The following DPPA4 variants were observed in gnomAD, a reference collection of about 807,000 sequenced individuals.
DPPA4 encodes developmental pluripotency associated 4, also known as developmental pluripotency-associated protein 4.
A neutral mutation model predicts 33.7 loss-of-function variants in DPPA4; 22 were observed. The observed-to-expected ratio is 0.65, with a 90% CI of 0.47 to 0.93. The LOEUF (loss-of-function observed/expected upper bound fraction) is 0.93, where lower values mean the gene tolerates loss of function less well. Ranked by LOEUF, DPPA4 falls within the 40% of genes least tolerant of loss-of-function variation. The pLI, the probability that DPPA4 is intolerant of heterozygous loss-of-function variation, is 0.00. For synonymous variants in DPPA4, 156 were observed against 132.3 expected (o/e 1.18, Z -1.23); for missense variants, 340 against 358.6 (o/e 0.95, Z 0.42).
chr3:109,330,724 C>A lies in DPPA4; in HGVS notation c.479G>T (p.Ser160Ile). Reference sequence around the variant, plus strand: ...CACTTCAGGAGGATGTGTCTCAGAACTTTGCAGGGACGTTTCCCCCTTTTC... The same window carrying A: ...CACTTCAGGAGGATGTGTCTCAGAAATTTGCAGGGACGTTTCCCCCTTTTC... The part of the protein sequence containing the change: ...KVEKGETSLQ[S>I]SETHPPEVAL... Residue 160 changes from serine (S) to isoleucine (I), a missense_variant, in exon 5 of 7, where the codon AGT (serine) becomes ATT (isoleucine). Physicochemically the swap from Ser to Ile is moderately radical, Grantham distance 142. Transcript: ENST00000335658. 1.2e-6 allele frequency: 2 copies of A among 1,614,176 alleles called. No individual in the cohort carries two copies. Among genetic ancestry groups the A allele is most frequent in the Non-Finnish European group, 1.7e-6 (2 of 1,180,016 alleles).
chr3:109,333,974 G>A lies in DPPA4; in HGVS notation c.74C>T (p.Ser25Leu), dbSNP rs267599538. 2 of 1,614,006 alleles carry A rather than the reference G, an allele frequency of 1.2e-6. No individual in the cohort carries two copies. The highest frequency in any genetic ancestry group is 1.7e-5 in the Admixed American group (1 of 60,000). Residue 25 changes from serine (S) to leucine (L), a missense_variant, in exon 2 of 7, where the codon TCG becomes TTG. This residue lies in a region of DPPA4 where 96 missense variants were observed against 91.8 expected (regional missense o/e 1.05). Coordinates refer to ENST00000335658, the MANE Select transcript of DPPA4 (RefSeq NM_018189.4). Reference sequence around the variant, plus strand: ...AGAAGCCTGCTGATCCTCTTCCCTCGACTTCTCTGTGGAGGTCCACTGGGG... The same window carrying A: ...AGAAGCCTGCTGATCCTCTTCCCTCAACTTCTCTGTGGAGGTCCACTGGGG... The part of the protein sequence containing the change: ...KGKEWTSTEK[S>L]REEDQQASNQ...
upstream of DPPA4, among the ~76,000 whole-genome samples, chr3:109,337,956 G>A (rs868440045): frequency 6.6e-6 from 1 of 152,146 alleles, no homozygotes; most frequent in Admixed American, 6.6e-5. Context: ...CTATTTTCTC[G>A]TACCAAATAC....
chr3:109,332,084 G>T (rs2107346349), intron 2 of DPPA4, 53 bp from the exon 3 acceptor site: 4 of 1,452,424 alleles, frequency 2.8e-6, no homozygotes, highest in Admixed American at 2.2e-5. Context: ...TAGCTTTTCT[G>T]AATTTCAAAA....
upstream of DPPA4, chr3:109,337,562 T>G (rs1302966465): frequency 6.3e-7 from 1 of 1,576,084 alleles, no homozygotes; most frequent in Non-Finnish European, 8.7e-7. Flanking sequence ...TTGCAAAGTC[T>G]CCTCCCACTT....
At position 109,330,300 on chromosome 3, in the gene DPPA4, C is replaced by CAAAAAAAA. The variant is rs71129042; in HGVS notation, c.679+216_679+223dup. 102 of 348,908 alleles carry CAAAAAAAA rather than the reference C, an allele frequency of 2.9e-4. No individual in the cohort carries two copies. In the African/African-American group the frequency reaches 2.9e-3, roughly 10 times the overall value. The allele number at this position is 348,908 out of a possible 1,614,324, so 21.6% of individuals were successfully genotyped here. On this transcript the variant is annotated intron_variant, in intron 5 of 6. Transcript: ENST00000335658. Reference sequence around the variant, plus strand: ...CTGGGCAACAAGGGAGAAACTGTCTCAAAAAAAAAAAAAAAAAAAAAAAAA... The same window carrying CAAAAAAAA: ...CTGGGCAACAAGGGAGAAACTGTCTCAAAAAAAAAAAAAAAAAAAAAAAAAAAAAAAAA...
intron 1 of DPPA4, among the ~76,000 whole-genome samples, chr3:109,336,024 G>A (rs1450398995): frequency 1.3e-5 from 2 of 151,326 alleles, no homozygotes; most frequent in African/African-American, 2.4e-5. Flanking sequence ...GTGGTGGTGC[G>A]TGCCTGCAAT....
At position 109,331,971 on chromosome 3, in the gene DPPA4, G is replaced by A. The variant is rs757550772; in HGVS notation, c.239C>T (p.Pro80Leu). 2 of 1,614,018 alleles carry A rather than the reference G, an allele frequency of 1.2e-6. No individual in the cohort carries two copies. Among genetic ancestry groups the A allele is most frequent in the South Asian group, 2.2e-5 (2 of 91,070 alleles). ...CAGTTTAGAAGGTAATGGAGGGATT[G>A]GTATCTTCTTCTGAGGTCTGGGGTT... Reference protein sequence around the residue: ...TDNPRPQKKIPIPPLPSKLPP... With the variant: ...TDNPRPQKKILIPPLPSKLPP... Residue 80 changes from proline (P) to leucine (L), a missense_variant, in exon 3 of 7, where the codon CCA becomes CTA. Transcript: ENST00000335658.
upstream of DPPA4, among the ~76,000 whole-genome samples, chr3:109,339,392 T>C (rs1407962520): frequency 1.3e-5 from 2 of 152,114 alleles, no homozygotes; most frequent in Admixed American, 6.6e-5. Flanking sequence ...ATGAAAATAA[T>C]AGCCTTTACT....
At chr3:109,328,344 G>A (rs3804621) in intron 6 of DPPA4, among the ~76,000 whole-genome samples, 58,830 of 152,096 alleles carry the variant, frequency 0.39, 13,839 homozygotes, top group East Asian at 0.72. Context: ...TTGGCATAGA[G>A]AGATTATCAA....
Position 109,337,533 on chromosome 3 carries a change from C to G in DPPA4, c.-16G>C. On this transcript the variant is annotated 5_prime_UTR_variant, in exon 1 of 7. Transcript: ENST00000335658. ...CTCGCAACATGCTTCCAAAATGGCC[C>G]CTGCCCCAAGATTGCTATTTGCAAA... is the stretch of plus-strand genomic sequence containing the variant. 1 of 1,613,938 alleles carries G rather than the reference C, an allele frequency of 6.2e-7. No individual in the cohort carries two copies. Among genetic ancestry groups the G allele is most frequent in the Admixed American group, 1.7e-5 (1 of 60,000 alleles).
upstream of DPPA4, chr3:109,337,574 C>T (rs539218258): frequency 2.6e-6 from 4 of 1,540,870 alleles, no homozygotes; most frequent in African/African-American, 4.1e-5. Context: ...CTCCCACTTC[C>T]TGCCGCCCGA....
At chr3:109,330,890 A>G in intron 4 of DPPA4, 78 bp from the exon 5 acceptor site, 2 of 1,089,108 alleles carry the variant, frequency 1.8e-6, no homozygotes, top group Non-Finnish European at 2.5e-6. Flanking sequence ...GCTCTTGATC[A>G]AATACAAAGT....
At chr3:109,334,532 C>CA (rs879502804) in intron 1 of DPPA4, among the ~76,000 whole-genome samples, 231 of 138,206 alleles carry the variant, frequency 1.7e-3, no homozygotes, top group South Asian at 2.4e-3. Flanking sequence ...GAGACTGTCT[C>CA]AAAAAAAAAA....
At chr3:109,328,817 T>C in intron 6 of DPPA4, 73 bp downstream of exon 6, 2 of 1,327,948 alleles carry the variant, frequency 1.5e-6, no homozygotes, top group Non-Finnish European at 2.1e-6. Flanking sequence ...TTAAGATTAA[T>C]GTATATCTTA....
chr3:109,332,129 A>T, intron 2 of DPPA4, 98 bp from the exon 3 acceptor site: 1 of 1,191,356 alleles, frequency 8.4e-7, no homozygotes, highest in Non-Finnish European at 1.2e-6. Flanking sequence ...TTGAGACAGA[A>T]TCTTGCTCTG....
At chr3:109,335,845 G>C (rs1199727101) in intron 1 of DPPA4, among the ~76,000 whole-genome samples, 1 of 151,594 alleles carries the variant, frequency 6.6e-6, no homozygotes, top group African/African-American at 2.4e-5. Context: ...GGGTACATTA[G>C]ATATAAATTA....
At chr3:109,338,550 T>C (rs1163448), upstream of DPPA4, among the ~76,000 whole-genome samples, 18,281 of 152,154 alleles carry the variant, frequency 0.12, 1,611 homozygotes, top group African/African-American at 0.23. Context: ...TGTTTTTTTT[T>C]CCTACATCTC....
At chr3:109,335,932 C>G (rs775945452) in intron 1 of DPPA4, among the ~76,000 whole-genome samples, 20 of 151,628 alleles carry the variant, frequency 1.3e-4, no homozygotes, top group African/African-American at 4.6e-4. Flanking sequence ...GTGGGCTGAC[C>G]GATTGAGGTC....
chr3:109,335,324 T>G (rs1200049943), intron 1 of DPPA4, among the ~76,000 whole-genome samples: 1 of 152,066 alleles, frequency 6.6e-6, no homozygotes, highest in Non-Finnish European at 1.5e-5. Flanking sequence ...GAGGTCTCCC[T>G]ATGTCTCCCC....
Sources: allele counts gnomAD v4.1 joint callset (sites outside exome capture counted in the v4.1 genomes callset), GRCh38; gene constraint gnomAD v4.1.1; regional missense constraint gnomAD v4.1.1; transcripts MANE v1.5; gene names NCBI Gene and HGNC (gene_info 2026-07-23, HGNC 2026-07-21).